Variants in TANC1 observed in about 807,000 individuals in gnomAD.
TANC1 encodes the protein protein TANC1.
TANC1 carries 77 observed loss-of-function variants against 149.7 expected under a neutral mutation model. The observed-to-expected ratio is 0.51, with a 90% confidence interval of 0.43 to 0.62. TANC1 has a LOEUF of 0.62. TANC1 is among the 20% of genes least tolerant of loss of function. The pLI is 0.00. For missense variants in TANC1, 1,985 were observed against 2,321.8 expected (o/e 0.85, Z 2.98); for synonymous variants, 854 against 925.0 (o/e 0.92, Z 1.39).
At chr2:159,222,608 T>C (rs1469070703) in intron 22 of TANC1, among the ~76,000 whole-genome samples, 1 of 152,242 alleles carries the variant, frequency 6.6e-6, no homozygotes, top group Admixed American at 6.5e-5. Flanking sequence ...ATTGTACGTA[T>C]ACACCACATC....
chr2:158,972,255 TA>T (rs1208999353), intron 1 of TANC1, among the ~76,000 whole-genome samples: 1 of 152,206 alleles, frequency 6.6e-6, no homozygotes, highest in Non-Finnish European at 1.5e-5. Flanking sequence ...TACCTCTTTT[TA>T]AAAATAAAAA....
chr2:159,096,769 A>G (rs2046184516), intron 3 of TANC1, among the ~76,000 whole-genome samples: 1 of 152,178 alleles, frequency 6.6e-6, no homozygotes, highest in Admixed American at 6.5e-5. Context: ...GGGATGAGTC[A>G]GGACAGAGCA....
intron 4 of TANC1, among the ~76,000 whole-genome samples, chr2:159,115,166 G>A (rs1338567841): frequency 7.5e-6 from 1 of 134,044 alleles, no homozygotes; most frequent in Non-Finnish European, 1.5e-5. Context: ...TCGGAAGCTG[G>A]TAAGGGTGTG....
rs1352910762 is a variant in TANC1, at chr2:159,097,667, TC to T, written c.94del (p.Leu32CysfsTer11). On this transcript the variant is annotated frameshift_variant, in exon 4 of 27. Coordinates refer to ENST00000263635, the MANE Select transcript of TANC1 (RefSeq NM_033394.3). LOFTEE classifies it high-confidence loss of function. ...GACTTTGGTCCAGAGACTTCTCCAG[TC>T]CTGCACCTTGACCACAGTGCTGACT... ...GSDFGPETSPVLHLDHSADSP... is the reference protein window; with the variant it reads ...GSDFGPETSPXLHLDHSADSP... The T allele has an allele frequency of 1.2e-6, 2 of 1,614,042 alleles. No homozygotes were observed. Among genetic ancestry groups the T allele is most frequent in the African/African-American group, 2.7e-5 (2 of 74,936 alleles).
Position 159,230,834 on chromosome 2 carries a change from T to C in TANC1, c.5408T>C (p.Leu1803Pro), listed in dbSNP as rs2060300191. Residue 1803 changes from leucine to proline, a missense_variant, in exon 27 of 27, where the codon CTA (leucine) becomes CCA (proline). Physicochemically the swap from Leu to Pro is moderately conservative, Grantham distance 98 (BLOSUM62 -3). Coordinates refer to ENST00000263635, the MANE Select transcript of TANC1 (RefSeq NM_033394.3). The surrounding 1 kb of genome is among the most constrained non-coding windows in gnomAD (Gnocchi z 4.4). ...SVHNGAQVKE[L>P]EESKCQIPVH... ...CACAATGGGGCACAAGTGAAGGAGC[T>C]AGAAGAAAGCAAGTGCCAAATTCCA... 2 of 1,614,086 alleles carry C rather than the reference T, an allele frequency of 1.2e-6. No homozygotes were observed. Among genetic ancestry groups the C allele is most frequent in the African/African-American group, 2.7e-5 (2 of 74,932 alleles).
intron 19 of TANC1, among the ~76,000 whole-genome samples, chr2:159,205,682 T>G (rs1041249170): frequency 1.3e-5 from 2 of 152,224 alleles, no homozygotes; most frequent in Non-Finnish European, 2.9e-5. Context: ...GTCCACTATG[T>G]GGTATTAGCA....
chr2:158,981,528 TATATATATATATATA>T (rs2034370306), intron 1 of TANC1, among the ~76,000 whole-genome samples: 2 of 114,540 alleles, frequency 1.7e-5, no homozygotes, highest in East Asian at 3.0e-4. Flanking sequence ...TATATATATA[TATATATATATATATA>T]AAGAAGTAAC....
In TANC1 at chr2:159,136,233, T is replaced by A; in HGVS notation, c.299T>A (p.Val100Glu). The change falls in exon 5 of 27, where the codon GTG becomes GAG. Residue 100 changes from valine to glutamate, a missense_variant. Around this residue, in one of 3 missense-constraint regions of TANC1, gnomAD observed 557 missense variants for 612.9 expected, o/e 0.91. Transcript: ENST00000263635. ...RKPKYVESPR[V>E]PGDAVIMPFR... ...CCCAAGTATGTGGAAAGCCCCAGAG[T>A]GCCTGGAGATGCAGTTATAATGCCA... 6.2e-7 allele frequency: 1 copy of A among 1,613,398 alleles called. No individual in the cohort carries two copies. The highest frequency in any genetic ancestry group is 8.5e-7 in the Non-Finnish European group (1 of 1,179,466).
At chr2:159,189,717 C>T (rs982803542) in intron 16 of TANC1, among the ~76,000 whole-genome samples, 7 of 152,206 alleles carry the variant, frequency 4.6e-5, no homozygotes, top group African/African-American at 1.2e-4. Context: ...AGCCCTTGCT[C>T]TGCAGGTGCC....
At chr2:159,033,529 A>G (rs2039947201) in intron 2 of TANC1, among the ~76,000 whole-genome samples, 1 of 152,168 alleles carries the variant, frequency 6.6e-6, no homozygotes, top group Non-Finnish European at 1.5e-5. Flanking sequence ...ACACTTTGGG[A>G]AACATTGGTA....
At chr2:159,112,017 AAG>A (rs1231465155) in intron 4 of TANC1, among the ~76,000 whole-genome samples, 1 of 152,208 alleles carries the variant, frequency 6.6e-6, no homozygotes, top group Non-Finnish European at 1.5e-5. Flanking sequence ...GTCAGTCAGA[AAG>A]AGATTGTGGA....
At chr2:159,174,044 G>C (rs967275796) in intron 11 of TANC1, among the ~76,000 whole-genome samples, 28 of 152,150 alleles carry the variant, frequency 1.8e-4, no homozygotes, top group African/African-American at 5.3e-4. Context: ...GCACCCAGTG[G>C]GACAGCAGCA....
intron 2 of TANC1, among the ~76,000 whole-genome samples, chr2:159,029,959 G>T (rs2039651494): frequency 6.6e-6 from 1 of 152,184 alleles, no homozygotes; most frequent in Non-Finnish European, 1.5e-5. Context: ...AAAGTGCTGG[G>T]ATTATAGGTG....
At chr2:159,155,896 A>C (rs1015806454) in intron 7 of TANC1, among the ~76,000 whole-genome samples, 11 of 152,044 alleles carry the variant, frequency 7.2e-5, no homozygotes, top group Non-Finnish European at 1.5e-4. Context: ...AGGATGTTTA[A>C]AAAAAAATTA....
At chr2:159,130,017 G>A (rs771622769) in intron 4 of TANC1, among the ~76,000 whole-genome samples, 9 of 152,166 alleles carry the variant, frequency 5.9e-5, no homozygotes, top group African/African-American at 2.2e-4. Flanking sequence ...CTGGAAAAGC[G>A]GCGGCAGCAG....
intron 2 of TANC1, among the ~76,000 whole-genome samples, chr2:159,005,635 C>T (rs1380080127): frequency 1.3e-5 from 2 of 151,700 alleles, no homozygotes; most frequent in Admixed American, 6.6e-5. Context: ...TTTTATAATT[C>T]ATTTTATTAA....
chr2:159,044,263 C>T (rs149436209), intron 2 of TANC1, among the ~76,000 whole-genome samples: 27 of 152,140 alleles, frequency 1.8e-4, no homozygotes, highest in African/African-American at 6.0e-4. Context: ...TCATCTCTAC[C>T]AAACCAAACA....
chr2:159,102,665 A>G (rs1176649652), intron 4 of TANC1, among the ~76,000 whole-genome samples: 1 of 104,662 alleles, frequency 9.6e-6, no homozygotes, highest in Non-Finnish European at 2.0e-5. Context: ...CCATTGTTTC[A>G]TTATTTTATA....
intron 19 of TANC1, among the ~76,000 whole-genome samples, chr2:159,216,459 C>G (rs1408946737): frequency 6.6e-6 from 1 of 152,188 alleles, no homozygotes; most frequent in Non-Finnish European, 1.5e-5. Flanking sequence ...TCTGGTCCCA[C>G]CAAAGAGCTG....
Sources: allele counts gnomAD v4.1 joint callset (sites outside exome capture counted in the v4.1 genomes callset), GRCh38; gene constraint gnomAD v4.1.1; regional missense constraint gnomAD v4.1.1; non-coding constraint Gnocchi (gnomAD v3.1); transcripts MANE v1.5; gene names NCBI Gene and HGNC (gene_info 2026-07-23, HGNC 2026-07-21).